Variants in SCAMP4 observed in about 807,000 individuals in gnomAD.
The protein encoded by SCAMP4 is secretory carrier-associated membrane protein 4.
In SCAMP4, 19 loss-of-function variants were observed where a neutral mutation model predicts 32.1. The ratio of observed to expected loss-of-function variants is 0.59; its 90% CI spans 0.41 to 0.87. The LOEUF (loss-of-function observed/expected upper bound fraction) is 0.87. SCAMP4 is among the 40% of genes least tolerant of loss of function. SCAMP4 has a pLI of 0.00. For missense variants in SCAMP4, 302 were observed against 309.0 expected (o/e 0.98, Z 0.17); for synonymous variants, 152 against 132.7 (o/e 1.15, Z -1.00).
chr19:1,917,862 A>G, intron 3 of SCAMP4, 40 bp downstream of exon 3: 1 of 1,610,928 alleles, frequency 6.2e-7, no homozygotes, highest in Non-Finnish European at 8.5e-7. Flanking sequence ...AGCGGGAGGC[A>G]GGGCTCCCCG....
intron 5 of SCAMP4, chr19:1,921,224 C>G: frequency 3.0e-6 from 3 of 985,152 alleles, no homozygotes; most frequent in Non-Finnish European, 3.6e-6. Context: ...ACACTCTGTG[C>G]ACTGCTGTGG....
intron 5 of SCAMP4, chr19:1,922,282 C>T (rs1183770085): frequency 1.1e-5 from 11 of 983,406 alleles, no homozygotes; most frequent in African/African-American, 3.5e-5. Context: ...TATTTTGAGA[C>T]AGAATCTTGC....
chr19:1,923,741 C>T, intron 6 of SCAMP4, among the ~76,000 whole-genome samples: 1 of 151,090 alleles, frequency 6.6e-6, no homozygotes, highest in Admixed American at 6.7e-5. Flanking sequence ...GCCTCAGCCT[C>T]CCGAGTAGCT....
chr19:1,923,938 G>A (rs371189752), intron 6 of SCAMP4, among the ~76,000 whole-genome samples, 170 bp from the exon 7 acceptor site: 1 of 69,708 alleles, frequency 1.4e-5, no homozygotes, highest in African/African-American at 2.9e-5. Context: ...TTTTTATATT[G>A]TAGTAGAGAC....
intron 1 of SCAMP4, among the ~76,000 whole-genome samples, chr19:1,910,139 G>A (rs1180162181): frequency 6.6e-6 from 1 of 152,176 alleles, no homozygotes; most frequent in African/African-American, 2.4e-5. Flanking sequence ...GTGGGTCGGG[G>A]CCTGAATGTG....
In SCAMP4 at chr19:1,918,953, G is replaced by A. The variant is rs374987565; in HGVS notation, c.358G>A (p.Val120Ile). The A allele has an allele frequency of 2.5e-5, 40 of 1,612,142 alleles. No homozygotes were observed. Among genetic ancestry groups the A allele is most frequent in the South Asian group, 3.3e-5 (3 of 90,594 alleles). Residue 120 changes from valine (V) to isoleucine (I), a missense_variant, in exon 5 of 7, where the codon GTC (valine) becomes ATC (isoleucine). By Grantham distance (29) the Val-to-Ile change is conservative. Coordinates refer to ENST00000316097, the MANE Select transcript of SCAMP4 (RefSeq NM_079834.4). ...CTTCGGAGCCCAGTTTGTCCTGACC[G>A]TCATCCAGGCGATTGGCTTCTCCGG... is the stretch of plus-strand genomic sequence containing the variant. ...FIFGAQFVLTVIQAIGFSGWG... is the reference protein window; with the variant it reads ...FIFGAQFVLTIIQAIGFSGWG...
chr19:1,922,526 C>G lies in SCAMP4; in HGVS notation c.396-544C>G, dbSNP rs374644837. On this transcript the variant is annotated intron_variant, in intron 5 of 6. Coordinates refer to ENST00000316097, the MANE Select transcript of SCAMP4 (RefSeq NM_079834.4). ...CTGGGACGACAGGCGTAAGCCTCTGCGCCCGGCCTCCTCATTGTTTCTAAT... is the reference window on the plus strand; with the variant it reads ...CTGGGACGACAGGCGTAAGCCTCTGGGCCCGGCCTCCTCATTGTTTCTAAT... 2.1e-4 allele frequency: 211 copies of G among 985,258 alleles called. 1 individual carries two copies. The African/African-American group carries it at 3.3e-3, about 16-fold the overall frequency. 61.0% of individuals were successfully genotyped at this position (985,258 alleles called of 1,614,324 possible). A position where few individuals can be genotyped will look rare whatever the true frequency, so the allele number is the denominator to read the frequency against.
chr19:1,921,410 C>A (rs554945351), intron 5 of SCAMP4: 176 of 985,304 alleles, frequency 1.8e-4, no homozygotes, highest in Admixed American at 2.5e-4. Context: ...GTGAGGGTGG[C>A]CACATGGCGG....
At chr19:1,911,949 G>C (rs927167078) in intron 1 of SCAMP4, 8 of 1,388,090 alleles carry the variant, frequency 5.8e-6, no homozygotes, top group Non-Finnish European at 6.5e-6. Context: ...GGAGCCCTCG[G>C]ACTAGCCTCA....
intron 1 of SCAMP4, 72 bp downstream of exon 1, chr19:1,905,511 T>G (rs1599224599): frequency 5.3e-6 from 2 of 376,516 alleles, no homozygotes; most frequent in South Asian, 1.8e-5. Context: ...GGGGCTGACA[T>G]GGGGGGTCTC....
rs570359517 is a variant in SCAMP4, at chr19:1,924,546, G to C, written c.*262G>C. ...AGGACGCCCTCTTGCTCCCGGAAAC[G>C]TGTGGTCACCCGCCGTCCACTGCAC... On this transcript the variant is annotated 3_prime_UTR_variant, in exon 7 of 7. Coordinates refer to ENST00000316097, the MANE Select transcript of SCAMP4 (RefSeq NM_079834.4). 1 of 517,632 alleles carries C rather than the reference G, an allele frequency of 1.9e-6. No individual in the cohort carries two copies. Among genetic ancestry groups the C allele is most frequent in the African/African-American group, 1.9e-5 (1 of 52,278 alleles). The allele number at this position is 517,632 out of a possible 1,614,324, so 32.1% of individuals were successfully genotyped here. A position where few individuals can be genotyped will look rare whatever the true frequency, so the allele number is the denominator to read the frequency against.
chr19:1,917,121 G>A (rs1357743542), intron 2 of SCAMP4, among the ~76,000 whole-genome samples: 1 of 152,172 alleles, frequency 6.6e-6, no homozygotes, highest in Non-Finnish European at 1.5e-5. Context: ...CCAACATGGT[G>A]AAACCTCGTG....
chr19:1,905,558 C>CG (rs1303499995), intron 1 of SCAMP4, 119 bp downstream of exon 1: 2 of 297,008 alleles, frequency 6.7e-6, no homozygotes, highest in Middle Eastern at 8.0e-4. Flanking sequence ...GGGGAGAAAA[C>CG]GGGGGGCCCA....
intron 6 of SCAMP4, among the ~76,000 whole-genome samples, chr19:1,923,446 A>G (rs1431704067): frequency 6.6e-6 from 1 of 152,130 alleles, no homozygotes; most frequent in Non-Finnish European, 1.5e-5. Context: ...TCCAGAGGGA[A>G]GCAGGGGTTG....
intron 1 of SCAMP4, chr19:1,912,324 C>T (rs1204369755): frequency 3.9e-6 from 6 of 1,539,144 alleles, no homozygotes; most frequent in East Asian, 5.1e-5. Flanking sequence ...TCACCTCAAG[C>T]GGGTGCGGCC....
chr19:1,913,289 G>T, intron 1 of SCAMP4: 1 of 1,290,300 alleles, frequency 7.8e-7, no homozygotes, highest in Non-Finnish European at 1.0e-6. Flanking sequence ...GGGAGCACGG[G>T]TGCTGCCTTC....
At chr19:1,912,723 A>G (rs2013538448) in intron 1 of SCAMP4, 2 of 1,522,372 alleles carry the variant, frequency 1.3e-6, no homozygotes, top group Non-Finnish European at 1.8e-6. Flanking sequence ...CGTGCTGGCC[A>G]CCGGCCACGA....
At position 1,925,971 on chromosome 19, in the gene SCAMP4, T is replaced by C. The variant is rs1061828; in HGVS notation, c.*1687T>C. 0.45 allele frequency: 67,819 copies of C among 149,536 alleles called. 18,826 individuals carry two copies. The highest frequency in any genetic ancestry group is 0.78 in the African/African-American group (31,663 of 40,776). 9.3% of individuals were successfully genotyped at this position (149,536 alleles called of 1,614,324 possible). A position where few individuals can be genotyped will look rare whatever the true frequency, so the allele number is the denominator to read the frequency against. ...TCGCCGCATCGTTGGGGTTTTGTTA[T>C]GTGAAAATATCCTGGAAATAAATAC... On this transcript the variant is annotated 3_prime_UTR_variant, in exon 7 of 7. Coordinates refer to ENST00000316097, the MANE Select transcript of SCAMP4 (RefSeq NM_079834.4).
intron 1 of SCAMP4, chr19:1,912,318 C>A (rs1261545718): frequency 1.3e-6 from 2 of 1,550,652 alleles, no homozygotes; most frequent in South Asian, 1.2e-5. Context: ...CCAGCCTCAC[C>A]TCAAGCGGGT....
Sources: gnomAD v4.1 joint callset for allele counts (sites outside exome capture counted in the v4.1 genomes callset) on GRCh38, gnomAD v4.1.1 for gene constraint, MANE v1.5 for transcripts, NCBI Gene and HGNC (gene_info 2026-07-23, HGNC 2026-07-21) for gene names.